The following BEND4 variants were observed in gnomAD, a reference collection of about 807,000 sequenced individuals.
The protein encoded by BEND4 is BEN domain-containing protein 4.
A neutral mutation model predicts 54.7 loss-of-function variants in BEND4; 27 were observed. The ratio of observed to expected loss-of-function variants is 0.49; its 90% CI spans 0.36 to 0.68. The LOEUF is 0.68. Among genes scored for constraint, BEND4 ranks in the 30% least tolerant of loss-of-function variants. The probability of loss-of-function intolerance (pLI) is 0.00; values close to 1 mark genes in which losing one functional copy is unlikely to be tolerated. For missense variants in BEND4, 702 were observed against 697.2 expected, an observed-to-expected ratio of 1.01 and a Z score of -0.08; for synonymous variants, 327 against 299.5, an observed-to-expected ratio of 1.09 and a Z score of -0.95.
At position 42,143,843 on chromosome 4, in the gene BEND4, C is replaced by A; in HGVS notation, c.639G>T (p.Glu213Asp). ...GGACCCCTTTCCCAATGTGACAGTGCTCCTGTCTTTCGTTGTAACTTGAGC... is the reference window on the plus strand; with the variant it reads ...GGACCCCTTTCCCAATGTGACAGTGATCCTGTCTTTCGTTGTAACTTGAGC... The part of the protein sequence containing the change: ...QEGSSYNERQ[E>D]HCHIGKGVHS... The change falls in exon 3 of 6, where the codon GAG becomes GAT. Residue 213 changes from glutamate (E) to aspartate (D), a missense_variant. Glu to Asp is a conservative substitution (Grantham distance 45). Transcript: ENST00000502486. 1 of 1,567,390 alleles carries A rather than the reference C, an allele frequency of 6.4e-7. No individual in the cohort carries two copies. Among genetic ancestry groups the A allele is most frequent in the Non-Finnish European group, 8.6e-7 (1 of 1,158,990 alleles).
intron 2 of BEND4, chr4:42,151,056 G>T (rs373475877): frequency 3.3e-4 from 51 of 152,284 alleles, no homozygotes; most frequent in African/African-American, 1.1e-3. Flanking sequence ...GAAGGAAAAG[G>T]GACAGAGCGA....
chr4:42,142,494 G>A (rs1396433735), intron 3 of BEND4, among the ~76,000 whole-genome samples: 3 of 150,598 alleles, frequency 2.0e-5, no homozygotes, highest in African/African-American at 4.9e-5. Context: ...CTTGCCAGGC[G>A]TGGTGGTGGG....
chr4:42,134,637 G>A (rs904866422), intron 3 of BEND4, among the ~76,000 whole-genome samples: 1 of 152,268 alleles, frequency 6.6e-6, no homozygotes, highest in African/African-American at 2.4e-5. Flanking sequence ...AGACACAGAC[G>A]CATATAGAGT....
Position 42,141,507 on chromosome 4 carries a change from G to A in BEND4, c.1054+1921C>T, listed in dbSNP as rs150055843. On this transcript the variant is annotated intron_variant, in intron 3 of 5. Transcript: ENST00000502486. The stretch of plus-strand genomic sequence containing the variant: ...AGCACTTTGGGGGGCCAAGGCCGGC[G>A]GATCACCTGAAGTCAGGAGTTCGAG... Among the ~76,000 whole-genome samples the A allele has an allele frequency of 4.9e-3, 740 of 152,292 alleles. 3 individuals carry two copies. The highest frequency in any genetic ancestry group is 0.017 in the African/African-American group (710 of 41,550).
chr4:42,151,533 C>T (rs1036260396), intron 2 of BEND4, 124 bp downstream of exon 2: 8 of 1,037,258 alleles, frequency 7.7e-6, no homozygotes, highest in Non-Finnish European at 1.0e-5. Context: ...GCCCCAGGTG[C>T]GCCCCGACAT....
intron 3 of BEND4, among the ~76,000 whole-genome samples, chr4:42,138,116 G>A (rs1245979919): frequency 1.3e-5 from 2 of 152,290 alleles, no homozygotes; most frequent in Non-Finnish European, 2.9e-5. Context: ...TCAACATCTT[G>A]TAAAGATGTC....
At chr4:42,149,400 C>T (rs941295001) in intron 2 of BEND4, among the ~76,000 whole-genome samples, 1 of 152,192 alleles carries the variant, frequency 6.6e-6, no homozygotes, top group Non-Finnish European at 1.5e-5. Flanking sequence ...ATGTCTAGTT[C>T]TATGGCTTTC....
intron 3 of BEND4, among the ~76,000 whole-genome samples, chr4:42,137,775 A>G (rs1720743818): frequency 6.6e-6 from 1 of 152,208 alleles, no homozygotes; most frequent in African/African-American, 2.4e-5. Flanking sequence ...CAAATAACCC[A>G]ATTACAAAAT....
intron 2 of BEND4, among the ~76,000 whole-genome samples, chr4:42,149,269 T>C (rs978975757): frequency 1.3e-4 from 17 of 130,674 alleles, no homozygotes; most frequent in African/African-American, 4.9e-4. Flanking sequence ...GTGGAACGAC[T>C]AGTTTCTCAG....
At chr4:42,131,618 C>T (rs1230062152) in intron 3 of BEND4, among the ~76,000 whole-genome samples, 7 of 152,104 alleles carry the variant, frequency 4.6e-5, no homozygotes, top group Non-Finnish European at 8.8e-5. Context: ...GGCAGCAGTG[C>T]TAAGCTATGA....
intron 3 of BEND4, among the ~76,000 whole-genome samples, chr4:42,128,177 A>AC (rs1421922296): frequency 3.3e-5 from 5 of 152,208 alleles, no homozygotes; most frequent in Non-Finnish European, 7.3e-5. Flanking sequence ...AAACAAACAA[A>AC]AAGACGCATA....
At chr4:42,131,545 G>T (rs1399056404) in intron 3 of BEND4, among the ~76,000 whole-genome samples, 1 of 152,166 alleles carries the variant, frequency 6.6e-6, no homozygotes, top group African/African-American at 2.4e-5. Flanking sequence ...CTTCAGTGTG[G>T]AGGGGACAGT....
chr4:42,135,126 G>C (rs1577758945), intron 3 of BEND4, among the ~76,000 whole-genome samples: 1 of 152,138 alleles, frequency 6.6e-6, no homozygotes, highest in African/African-American at 2.4e-5. Context: ...AGTGACTCTT[G>C]CAACAGCTCC....
intron 3 of BEND4, among the ~76,000 whole-genome samples, chr4:42,135,447 A>G (rs1033897002): frequency 6.6e-6 from 1 of 152,160 alleles, no homozygotes; most frequent in East Asian, 1.9e-4. Flanking sequence ...TATCCCAACC[A>G]TGCCTTATTG....
intron 3 of BEND4, 73 bp downstream of exon 3, chr4:42,143,355 A>G: frequency 7.6e-7 from 1 of 1,310,486 alleles, no homozygotes; most frequent in Non-Finnish European, 1.1e-6. Flanking sequence ...ATGAGTACAG[A>G]AATACACAGA....
chr4:42,128,867 C>T (rs765511334), intron 3 of BEND4, among the ~76,000 whole-genome samples: 7 of 151,856 alleles, frequency 4.6e-5, no homozygotes, highest in South Asian at 2.1e-4. Context: ...ACTCGGGAGG[C>T]GGAGCTTGCA....
In BEND4 at chr4:42,117,401, G is replaced by T; in HGVS notation, c.*117C>A. On this transcript the variant is annotated 3_prime_UTR_variant, in exon 6 of 6. Coordinates refer to ENST00000502486, the MANE Select transcript of BEND4 (RefSeq NM_207406.4). ...TTTCTATTTGGGTACTGTGGCAGCT[G>T]AGAATGTGTAGACTATGGCAGAATG... The T allele has an allele frequency of 1.4e-6, 1 of 726,178 alleles. No homozygotes were observed. Among genetic ancestry groups the T allele is most frequent in the Non-Finnish European group, 2.3e-6 (1 of 441,568 alleles). 45.0% of individuals were successfully genotyped at this position (726,178 alleles called of 1,614,324 possible).
intron 2 of BEND4, among the ~76,000 whole-genome samples, chr4:42,149,886 A>G (rs541400550): frequency 6.6e-6 from 1 of 152,308 alleles, no homozygotes; most frequent in East Asian, 1.9e-4. Context: ...AGAAGGGGGT[A>G]AATTTACAGT....
At chr4:42,123,695 A>G (rs111341085) in intron 4 of BEND4, among the ~76,000 whole-genome samples, 3,109 of 115,368 alleles carry the variant, frequency 0.027, 93 homozygotes, top group African/African-American at 0.12. Flanking sequence ...TGTAATTCAG[A>G]AAAAAAAAAA....
Sources: allele counts gnomAD v4.1 joint callset (sites outside exome capture counted in the v4.1 genomes callset), GRCh38; gene constraint gnomAD v4.1.1; transcripts MANE v1.5; gene names NCBI Gene and HGNC (gene_info 2026-07-23, HGNC 2026-07-21).